PEX7: variants seen among roughly 807,000 people sequenced by gnomAD.
PEX7 encodes the protein peroxisomal biogenesis factor 7, also known as PTS2 receptor.
A neutral mutation model predicts 47.5 loss-of-function variants in PEX7; 34 were observed. The observed-to-expected ratio is 0.72, with a 90% CI of 0.54 to 0.95. The LOEUF is 0.95. Among genes scored for constraint, PEX7 ranks in the 40% least tolerant of loss-of-function variants. The probability of loss-of-function intolerance (pLI) is 0.00; values close to 1 mark genes in which losing one functional copy is unlikely to be tolerated. For synonymous variants in PEX7, 141 were observed against 148.8 expected, an observed-to-expected ratio of 0.95 and a Z score of 0.38; for missense variants, 394 against 400.3, an observed-to-expected ratio of 0.98 and a Z score of 0.13.
Position 136,856,291 on chromosome 6 carries a change from T to TAAAA in PEX7, c.526+10133_526+10136dup, listed in dbSNP as rs397759780. Among the ~76,000 whole-genome samples the TAAAA allele has an allele frequency of 2.0e-4, 14 of 70,584 alleles. 1 individual carries two copies. Among genetic ancestry groups the TAAAA allele is most frequent in the Admixed American group, 9.1e-4 (6 of 6,586 alleles). The allele number at this position is 70,584 out of a possible 152,430, so 46.3% of individuals were successfully genotyped here. A position where few individuals can be genotyped will look rare whatever the true frequency, so the allele number is the denominator to read the frequency against. The stretch of plus-strand genomic sequence containing the variant: ...CAGCCAGGACTTCTTTGGTTGAAAG[T>TAAAA]AAAAAAAAAAAAAAAAAAAAAAAAA... On this transcript the variant is annotated intron_variant, in intron 5 of 9. Transcript: ENST00000318471.
At chr6:136,878,995 T>C (rs1410266762) in intron 8 of PEX7, among the ~76,000 whole-genome samples, 2 of 152,180 alleles carry the variant, frequency 1.3e-5, no homozygotes, top group African/African-American at 4.8e-5. Context: ...TATTGCCTGG[T>C]TGTGAGTTTT....
chr6:136,898,049 A>C, intron 8 of PEX7, 93 bp from the exon 9 acceptor site: 1 of 780,022 alleles, frequency 1.3e-6, no homozygotes, highest in South Asian at 1.4e-5. Flanking sequence ...TGTTTGGATA[A>C]AATCTTTGCT....
chr6:136,861,142 C>T (rs147527916), intron 5 of PEX7, among the ~76,000 whole-genome samples: 3,294 of 152,114 alleles, frequency 0.022, 115 homozygotes, highest in African/African-American at 0.07. Flanking sequence ...TGGAGTGCAG[C>T]GGCACAGTCT....
chr6:136,854,859 A>T (rs1774830197), intron 5 of PEX7, among the ~76,000 whole-genome samples: 1 of 152,008 alleles, frequency 6.6e-6, no homozygotes, highest in Admixed American at 6.6e-5. Flanking sequence ...GCTGAGGCAG[A>T]TGGATCACTT....
intron 5 of PEX7, among the ~76,000 whole-genome samples, chr6:136,859,797 C>T (rs557167956): frequency 6.6e-5 from 10 of 152,086 alleles, no homozygotes; most frequent in Middle Eastern, 6.8e-3. Context: ...CCAAGGTGAG[C>T]GGATCACTTG....
At position 136,910,368 on chromosome 6, in the gene PEX7, AAG is replaced by A. The variant is rs1215410667; in HGVS notation, c.904-3086_904-3085del. ...TGATACCTAAACTGATTTTTTAAAAAAGAGACATCTCTGGCAGAGCAAGGCAA... is the reference window on the plus strand; with the variant it reads ...TGATACCTAAACTGATTTTTTAAAAAAGACATCTCTGGCAGAGCAAGGCAA... On this transcript the variant is annotated intron_variant, in intron 9 of 9. Transcript: ENST00000318471. Among the ~76,000 whole-genome samples the A allele has an allele frequency of 3.3e-5, 5 of 152,314 alleles. 1 individual carries two copies. Among genetic ancestry groups the A allele is most frequent in the African/African-American group, 1.2e-4 (5 of 41,562 alleles).
intron 9 of PEX7, among the ~76,000 whole-genome samples, chr6:136,903,027 T>G (rs1422518516): frequency 6.6e-6 from 1 of 152,308 alleles, no homozygotes; most frequent in East Asian, 1.9e-4. Context: ...AGAAAGAATC[T>G]CTTATACCAT....
intron 5 of PEX7, among the ~76,000 whole-genome samples, chr6:136,861,154 G>A (rs554816698): frequency 9.1e-4 from 138 of 152,008 alleles, no homozygotes; most frequent in African/African-American, 3.3e-3. Flanking sequence ...GCACAGTCTT[G>A]GCTCATTGTA....
At chr6:136,830,605 C>A (rs1774276145) in intron 3 of PEX7, among the ~76,000 whole-genome samples, 1 of 152,110 alleles carries the variant, frequency 6.6e-6, no homozygotes, top group South Asian at 2.1e-4. Flanking sequence ...TTTGCTTATT[C>A]TAATGCTGCT....
intron 5 of PEX7, among the ~76,000 whole-genome samples, chr6:136,853,409 G>A (rs573314554): frequency 1.5e-4 from 23 of 152,260 alleles, no homozygotes; most frequent in African/African-American, 5.3e-4. Context: ...TCCTAATAGT[G>A]TCTCCTCTTT....
chr6:136,879,893 T>C (rs1775347573), intron 8 of PEX7, among the ~76,000 whole-genome samples: 1 of 152,160 alleles, frequency 6.6e-6, no homozygotes, highest in Non-Finnish European at 1.5e-5. Context: ...TCTGCTCTTC[T>C]TGGGCCCCAA....
chr6:136,899,957 A>G (rs1396532254), intron 9 of PEX7, among the ~76,000 whole-genome samples: 1 of 152,224 alleles, frequency 6.6e-6, no homozygotes, highest in Non-Finnish European at 1.5e-5. Context: ...TACAGTGTAC[A>G]TACTGAAATA....
chr6:136,913,646 T>C lies in PEX7; in HGVS notation c.*120T>C. 1 of 799,856 alleles carries C rather than the reference T, an allele frequency of 1.3e-6. No homozygotes were observed. The highest frequency in any genetic ancestry group is 2.3e-4 in the Middle Eastern group (1 of 4,442). 49.5% of individuals were successfully genotyped at this position (799,856 alleles called of 1,614,324 possible). A position where few individuals can be genotyped will look rare whatever the true frequency, so the allele number is the denominator to read the frequency against. On this transcript the variant is annotated 3_prime_UTR_variant, in exon 10 of 10. Transcript: ENST00000318471. ...ATATGCTATTCAGATTTCAAATCTT[T>C]CCAATTTACCCTGGAATCAGTTTTG...
intron 8 of PEX7, among the ~76,000 whole-genome samples, chr6:136,892,463 CTG>C (rs1258584574): frequency 1.3e-5 from 2 of 152,142 alleles, no homozygotes; most frequent in African/African-American, 4.8e-5. Flanking sequence ...TCAGGAGAGT[CTG>C]TGTTTTGGGG....
intron 3 of PEX7, among the ~76,000 whole-genome samples, chr6:136,844,808 A>G (rs76641527): frequency 0.042 from 6,356 of 152,196 alleles, 147 homozygotes; most frequent in African/African-American, 0.073. Context: ...GGCAGCAGAG[A>G]GAAAGTAACC....
chr6:136,865,886 C>T (rs1022768478), intron 5 of PEX7, among the ~76,000 whole-genome samples: 4 of 151,858 alleles, frequency 2.6e-5, no homozygotes, highest in Non-Finnish European at 5.9e-5. Flanking sequence ...CAATCGAGAT[C>T]ATCCTGGCCA....
chr6:136,872,147 T>A lies in PEX7; in HGVS notation c.748-51T>A, dbSNP rs765718159. On this transcript the variant is annotated intron_variant, in intron 7 of 9. Transcript: ENST00000318471. ...GGAATGATCATAGAAAGCAGTGTTA[T>A]AATCACAGCTGACTTCAAAAAGGGT... The A allele has an allele frequency of 2.8e-6, 4 of 1,446,358 alleles. No individual in the cohort carries two copies. The South Asian group carries it at 4.7e-5, about 17-fold the overall frequency. 89.6% of individuals were successfully genotyped at this position (1,446,358 alleles called of 1,614,324 possible).
intron 3 of PEX7, among the ~76,000 whole-genome samples, chr6:136,833,050 A>G (rs1774322468): frequency 6.6e-6 from 1 of 152,150 alleles, no homozygotes; most frequent in Admixed American, 6.6e-5. Flanking sequence ...GCAGTACCTC[A>G]CTATCCTGGT....
chr6:136,902,679 A>G (rs1775773521), intron 9 of PEX7, among the ~76,000 whole-genome samples: 1 of 151,364 alleles, frequency 6.6e-6, no homozygotes, highest in East Asian at 1.9e-4. Context: ...CTTTTTGTAG[A>G]CTTGTGATTC....
Sources: allele counts gnomAD v4.1 joint callset (sites outside exome capture counted in the v4.1 genomes callset), GRCh38; gene constraint gnomAD v4.1.1; transcripts MANE v1.5; gene names NCBI Gene and HGNC (gene_info 2026-07-23, HGNC 2026-07-21).